SYT1: variants seen among roughly 807,000 people sequenced by gnomAD.
SYT1 encodes the protein synaptotagmin-1.
Under a neutral mutation model 44.8 loss-of-function variants are expected in SYT1, and 8 were observed. That is an observed-to-expected ratio of 0.18 (90% CI 0.10 to 0.32). The LOEUF (loss-of-function observed/expected upper bound fraction) is 0.32, where lower values mean the gene tolerates loss of function less well. Among genes scored for constraint, SYT1 ranks in the 10% least tolerant of loss-of-function variants. SYT1 has a pLI of 1.00. For missense variants in SYT1, 286 were observed against 509.3 expected (o/e 0.56, Z 4.22); for synonymous variants, 154 against 188.8 (o/e 0.82, Z 1.51).
intron 9 of SYT1, among the ~76,000 whole-genome samples, chr12:79,383,600 G>T (rs1029580118): frequency 6.6e-6 from 1 of 152,000 alleles, no homozygotes; most frequent in Non-Finnish European, 1.5e-5. Flanking sequence ...CCATTTTGTT[G>T]TTGTCCCTTG....
chr12:79,072,256 T>C (rs1213580529), intron 3 of SYT1, among the ~76,000 whole-genome samples: 2 of 152,122 alleles, frequency 1.3e-5, no homozygotes, highest in East Asian at 3.9e-4. Flanking sequence ...ATGGATATTG[T>C]GTAACCTCTC....
chr12:78,939,697 A>G (rs1878248256), intron 1 of SYT1, among the ~76,000 whole-genome samples: 2 of 152,296 alleles, frequency 1.3e-5, no homozygotes, highest in South Asian at 4.1e-4. Flanking sequence ...TACCAAGAAT[A>G]TTGCAAATGT....
chr12:78,876,898 T>TATATATATTATATATAATATATATA (rs1874192933), intron 1 of SYT1, among the ~76,000 whole-genome samples: 7 of 17,108 alleles, frequency 4.1e-4, no homozygotes, highest in Non-Finnish European at 1.4e-4. Flanking sequence ...TAATATATAT[T>TATATATATTATATATAATATATATA]ATATATTATA....
chr12:79,022,067 T>C (rs1441319588), intron 2 of SYT1, among the ~76,000 whole-genome samples: 1 of 151,588 alleles, frequency 6.6e-6, no homozygotes, highest in African/African-American at 2.4e-5. Context: ...AGACATTGAC[T>C]ATATAATTAT....
chr12:79,210,234 CT>C (rs984794060), intron 3 of SYT1, among the ~76,000 whole-genome samples: 27 of 152,006 alleles, frequency 1.8e-4, no homozygotes, highest in African/African-American at 6.3e-4. Context: ...AAACTATAAA[CT>C]TTTTTTCATA....
chr12:79,415,452 G>A (rs1295046140), intron 9 of SYT1, among the ~76,000 whole-genome samples: 1 of 152,144 alleles, frequency 6.6e-6, no homozygotes, highest in African/African-American at 2.4e-5. Context: ...AATATCAATT[G>A]TTCATATCAA....
At chr12:78,865,734 C>T (rs1293132731) in intron 1 of SYT1, among the ~76,000 whole-genome samples, 1 of 152,146 alleles carries the variant, frequency 6.6e-6, no homozygotes, top group African/African-American at 2.4e-5. Context: ...CTATGTCTCT[C>T]ACTTGATTCG....
At chr12:79,190,214 A>G (rs1483096848) in intron 3 of SYT1, among the ~76,000 whole-genome samples, 1 of 152,190 alleles carries the variant, frequency 6.6e-6, no homozygotes, top group Non-Finnish European at 1.5e-5. Context: ...TGATGCATAT[A>G]TATTTTTCAA....
At chr12:78,923,153 A>G (rs1451577930) in intron 1 of SYT1, among the ~76,000 whole-genome samples, 2 of 151,984 alleles carry the variant, frequency 1.3e-5, no homozygotes, top group East Asian at 3.9e-4. Flanking sequence ...AATATTCTAT[A>G]TTTATGCTGT....
intron 7 of SYT1, among the ~76,000 whole-genome samples, chr12:79,297,045 A>G (rs1027678157): frequency 6.6e-6 from 1 of 152,212 alleles, no homozygotes; most frequent in African/African-American, 2.4e-5. Context: ...CACCACGTCC[A>G]TCAGCCAGGC....
At chr12:79,186,456 G>A (rs1231867567) in intron 3 of SYT1, among the ~76,000 whole-genome samples, 1 of 151,912 alleles carries the variant, frequency 6.6e-6, no homozygotes, top group Non-Finnish European at 1.5e-5. Context: ...CTTTTTAATT[G>A]TGTGTGTTTT....
chr12:79,134,992 C>A (rs983983936), intron 3 of SYT1, among the ~76,000 whole-genome samples: 1 of 152,100 alleles, frequency 6.6e-6, no homozygotes, highest in Admixed American at 6.6e-5. Flanking sequence ...TCACCACACA[C>A]ACACACACAC....
intron 2 of SYT1, among the ~76,000 whole-genome samples, chr12:79,002,882 G>A (rs560603323): frequency 4.6e-5 from 7 of 151,960 alleles, no homozygotes; most frequent in Non-Finnish European, 8.8e-5. Context: ...TCAGTATGTC[G>A]TTTCCTTTTA....
In SYT1 at chr12:78,908,004, C is replaced by A. The variant is rs140613317; in HGVS notation, c.-217+42895C>A. On this transcript the variant is annotated intron_variant, in intron 1 of 10. Transcript: ENST00000261205. ...TATCTGAAATTGATCAGCCAGCAGC[C>A]GTGTGATCACACTGAAAGTATGCAA... Among the ~76,000 whole-genome samples, 255 of 152,042 alleles carry A rather than the reference C, an allele frequency of 1.7e-3. 2 individuals carry two copies. In the East Asian group the frequency reaches 0.023, roughly 14 times the overall value.
chr12:78,872,341 C>T (rs375679103), intron 1 of SYT1, among the ~76,000 whole-genome samples: 3 of 151,934 alleles, frequency 2.0e-5, no homozygotes, highest in East Asian at 3.9e-4. Context: ...GAGCTGACTC[C>T]TTCAGGCAAA....
At chr12:78,984,760 A>G (rs1237503566) in intron 2 of SYT1, among the ~76,000 whole-genome samples, 1 of 151,972 alleles carries the variant, frequency 6.6e-6, no homozygotes, top group African/African-American at 2.4e-5. Flanking sequence ...CAAGTTGACA[A>G]TATGCTTATG....
chr12:79,236,722 T>C (rs1230480262), intron 4 of SYT1, among the ~76,000 whole-genome samples: 1 of 152,192 alleles, frequency 6.6e-6, no homozygotes, highest in Non-Finnish European at 1.5e-5. Flanking sequence ...GTTTGTGTCA[T>C]GGATAAACAG....
chr12:79,099,020 C>T (rs1223524530), intron 3 of SYT1, among the ~76,000 whole-genome samples: 1 of 152,070 alleles, frequency 6.6e-6, no homozygotes, highest in African/African-American at 2.4e-5. Flanking sequence ...TAATTTTCTA[C>T]ATTGTAAGCA....
intron 9 of SYT1, among the ~76,000 whole-genome samples, chr12:79,432,613 G>GTTTT (rs1173135552): frequency 6.6e-6 from 1 of 152,076 alleles, no homozygotes; most frequent in African/African-American, 2.4e-5. Flanking sequence ...AAAAAAATAA[G>GTTTT]TTTCTTTTCT....
Sources: allele counts gnomAD v4.1 joint callset (sites outside exome capture counted in the v4.1 genomes callset), GRCh38; gene constraint gnomAD v4.1.1; transcripts MANE v1.5; gene names NCBI Gene and HGNC (gene_info 2026-07-23, HGNC 2026-07-21).